Variants in PTK2 observed in about 807,000 individuals in gnomAD.
PTK2 encodes the protein protein tyrosine kinase 2.
Under a neutral mutation model 150.1 loss-of-function variants are expected in PTK2, and 45 were observed. The ratio of observed to expected loss-of-function variants is 0.30; its 90% confidence interval spans 0.24 to 0.38. The LOEUF is 0.38. Among genes scored for constraint, PTK2 ranks in the 10% least tolerant of loss-of-function variants. PTK2 has a pLI of 1.00. For synonymous variants in PTK2, 432 were observed against 449.2 expected, an observed-to-expected ratio of 0.96 and a Z score of 0.48; for missense variants, 919 against 1,307.3, an observed-to-expected ratio of 0.70 and a Z score of 4.58.
intron 20 of PTK2, among the ~76,000 whole-genome samples, chr8:140,742,625 T>A (rs1447124145): frequency 6.6e-6 from 1 of 152,252 alleles, no homozygotes; most frequent in Non-Finnish European, 1.5e-5. Flanking sequence ...ATCTGCATCT[T>A]CACATGCTTA....
At chr8:140,765,026 T>C (rs1405256846) in intron 14 of PTK2, 1 of 152,216 alleles carries the variant, frequency 6.6e-6, no homozygotes, top group African/African-American at 2.4e-5. Context: ...ATGGGAAATT[T>C]AAAAATACCC....
chr8:140,671,282 T>A (rs1564003468), intron 29 of PTK2, among the ~76,000 whole-genome samples: 1 of 152,210 alleles, frequency 6.6e-6, no homozygotes, highest in Admixed American at 6.5e-5. Flanking sequence ...AGTGCAGTAG[T>A]GTGATCTCAG....
chr8:140,714,369 G>C (rs777614058), intron 23 of PTK2, among the ~76,000 whole-genome samples: 4 of 151,812 alleles, frequency 2.6e-5, no homozygotes, highest in Non-Finnish European at 5.9e-5. Flanking sequence ...AGAAATCTAA[G>C]TGGCTCTGGA....
chr8:140,677,492 T>C (rs2100014593), intron 27 of PTK2, among the ~76,000 whole-genome samples: 1 of 152,246 alleles, frequency 6.6e-6, no homozygotes, highest in Non-Finnish European at 1.5e-5. Context: ...AAAAAAATCT[T>C]TTTGGAACTA....
chr8:140,808,327 G>A (rs2100099310), intron 10 of PTK2, among the ~76,000 whole-genome samples: 1 of 143,838 alleles, frequency 7.0e-6, no homozygotes, highest in African/African-American at 3.0e-5. Flanking sequence ...CAGAACAAAT[G>A]AGGAGGAGGA....
intron 1 of PTK2, among the ~76,000 whole-genome samples, chr8:140,948,174 C>A (rs1043640200): frequency 6.6e-6 from 1 of 151,830 alleles, no homozygotes; most frequent in African/African-American, 2.4e-5. Flanking sequence ...AAACAAATAC[C>A]GGAGAAAACA....
rs948277667 is a variant in PTK2 at position 140,844,491 on chromosome 8, T to C, written c.593+1769A>G. 8.5e-5 allele frequency among the ~76,000 whole-genome samples: 13 copies of C among 152,340 alleles called. No homozygotes were observed. The East Asian group carries it at 1.3e-3, about 16-fold the overall frequency. On this transcript the variant is annotated intron_variant, in intron 7 of 31. Coordinates refer to ENST00000522684, the Ensembl canonical transcript of PTK2. ...ACTCATGGGTATTTAATTTATACTT[T>C]GGGTTACAATCTAATACTATGTAAC...
At chr8:141,000,481 C>T (rs2100199718) in intron 1 of PTK2, among the ~76,000 whole-genome samples, 1 of 152,190 alleles carries the variant, frequency 6.6e-6, no homozygotes, top group Non-Finnish European at 1.5e-5. Context: ...CGAACCCTGC[C>T]GACGTCCCTG....
intron 4 of PTK2, 75 bp downstream of exon 4, chr8:140,879,394 ATT>A: frequency 7.1e-7 from 1 of 1,408,166 alleles, no homozygotes; most frequent in South Asian, 1.5e-5. Context: ...AAACATATAC[ATT>A]TGTTATCTTG....
At chr8:140,820,147 T>C (rs1251970826) in intron 8 of PTK2, among the ~76,000 whole-genome samples, 6 of 127,186 alleles carry the variant, frequency 4.7e-5, no homozygotes, top group Admixed American at 4.7e-4. Flanking sequence ...TCGCCCAGAC[T>C]GGAGTGCGGT....
At chr8:140,939,663 C>A (rs748377277) in intron 1 of PTK2, among the ~76,000 whole-genome samples, 1 of 152,150 alleles carries the variant, frequency 6.6e-6, no homozygotes, top group African/African-American at 2.4e-5. Context: ...CATTATTCTA[C>A]CAGGATTTTT....
rs181887183 is a variant in PTK2, at chr8:140,926,611, T to A, written c.-121-862A>T. The stretch of plus-strand genomic sequence containing the variant: ...GTCAGTAATCCTGCCCCAATATGAA[T>A]TCAGATAAAAGTCATCACACTACCT... On this transcript the variant is annotated intron_variant, in intron 1 of 31. Transcript: ENST00000522684. 2.0e-5 allele frequency among the ~76,000 whole-genome samples: 3 copies of A among 152,202 alleles called. No homozygotes were observed. The East Asian group carries it at 5.8e-4, about 29-fold the overall frequency.
intron 4 of PTK2, among the ~76,000 whole-genome samples, chr8:140,873,968 C>A (rs1374483927): frequency 6.6e-6 from 1 of 152,114 alleles, no homozygotes; most frequent in African/African-American, 2.4e-5. Flanking sequence ...TCTTCCTATC[C>A]CAGGGCCAGA....
intron 7 of PTK2, among the ~76,000 whole-genome samples, chr8:140,845,976 G>A (rs1265448120): frequency 1.3e-5 from 2 of 151,896 alleles, no homozygotes; most frequent in African/African-American, 4.9e-5. Context: ...TTTATAGGCA[G>A]CTGTAGAATT....
chr8:140,672,601 A>T (rs1177294430), intron 29 of PTK2, among the ~76,000 whole-genome samples: 1 of 151,964 alleles, frequency 6.6e-6, no homozygotes, highest in African/African-American at 2.4e-5. Flanking sequence ...GGCCACAGAG[A>T]GCAGGCTAGT....
At chr8:140,701,787 C>T (rs755927243) in intron 25 of PTK2, among the ~76,000 whole-genome samples, 9 of 151,948 alleles carry the variant, frequency 5.9e-5, no homozygotes, top group Non-Finnish European at 1.0e-4. Context: ...GTTCATTAAA[C>T]CTGAAAGCAT....
chr8:140,888,718 A>G, intron 3 of PTK2, among the ~76,000 whole-genome samples: 1 of 152,238 alleles, frequency 6.6e-6, no homozygotes, highest in East Asian at 1.9e-4. Flanking sequence ...ACCATGGCAC[A>G]TCTGTTAAAA....
chr8:140,675,790 GGA>G (rs1252289914), intron 27 of PTK2: 3 of 266,910 alleles, frequency 1.1e-5, no homozygotes, highest in Admixed American at 5.3e-5. Context: ...ACACAGCTGA[GGA>G]GAATGTAAAT....
chr8:140,944,737 C>T (rs1054398324), intron 1 of PTK2, among the ~76,000 whole-genome samples: 2 of 152,164 alleles, frequency 1.3e-5, no homozygotes, highest in Non-Finnish European at 2.9e-5. Context: ...TTGTGTACAG[C>T]GCACCCACTG....
Sources: gnomAD v4.1 joint callset for allele counts (sites outside exome capture counted in the v4.1 genomes callset) on GRCh38, gnomAD v4.1.1 for gene constraint, MANE v1.5 for transcripts, NCBI Gene and HGNC (gene_info 2026-07-23, HGNC 2026-07-21) for gene names.